GRIK2: variants seen among roughly 807,000 people sequenced by gnomAD.
GRIK2 encodes glutamate ionotropic receptor kainate type subunit 2.
A neutral mutation model predicts 100.3 loss-of-function variants in GRIK2; 32 were observed. The observed-to-expected ratio is 0.32, with a 90% CI of 0.24 to 0.43. The LOEUF is 0.43. Among genes scored for constraint, GRIK2 ranks in the 20% least tolerant of loss-of-function variants. The pLI is 1.00. For synonymous variants in GRIK2, 417 were observed against 389.4 expected, an observed-to-expected ratio of 1.07 and a Z score of -0.83; for missense variants, 843 against 1,114.9, an observed-to-expected ratio of 0.76 and a Z score of 3.47.
Position 102,069,123 on chromosome 6 carries a change from TTTTTC to T in GRIK2, c.*620_*624del, listed in dbSNP as rs144082045. 1.1e-3 allele frequency: 159 copies of T among 150,484 alleles called. No homozygotes were observed. The highest frequency in any genetic ancestry group is 3.5e-3 in the African/African-American group (146 of 41,328). 9.3% of individuals were successfully genotyped at this position (150,484 alleles called of 1,614,324 possible). ...GCAGATGTTCATCACTTATTTTCCT[TTTTTC>T]TTTTCTTATTTTTTTTTTTGACAGT... On this transcript the variant is annotated 3_prime_UTR_variant, in exon 17 of 17. Coordinates refer to ENST00000369134, the MANE Select transcript of GRIK2 (RefSeq NM_021956.5).
At position 102,016,324 on chromosome 6, in the gene GRIK2, C is replaced by A. The variant is rs557478176; in HGVS notation, c.2086-19017C>A. Among the ~76,000 whole-genome samples the A allele has an allele frequency of 1.1e-3, 160 of 151,988 alleles. 4 individuals carry two copies. The South Asian group carries it at 0.032, about 31-fold the overall frequency. On this transcript the variant is annotated intron_variant, in intron 14 of 16. Coordinates refer to ENST00000369134, the MANE Select transcript of GRIK2 (RefSeq NM_021956.5). Reference sequence around the variant, plus strand: ...TAACCAATCTGATAAAGCTGAAAAACACACTATAATAATTTTATATTGCAT... The same window carrying A: ...TAACCAATCTGATAAAGCTGAAAAAAACACTATAATAATTTTATATTGCAT...
intron 2 of GRIK2, among the ~76,000 whole-genome samples, chr6:101,442,741 A>G (rs1242903910): frequency 1.3e-5 from 2 of 152,172 alleles, no homozygotes; most frequent in African/African-American, 4.8e-5. Flanking sequence ...GCATGAAAGT[A>G]GCCGTAGCCA....
chr6:102,022,601 T>C (rs1769486644), intron 14 of GRIK2, among the ~76,000 whole-genome samples: 1 of 151,754 alleles, frequency 6.6e-6, no homozygotes, highest in African/African-American at 2.4e-5. Context: ...GAATGTTTCC[T>C]TCAGCTATTC....
chr6:101,694,009 G>A (rs1772298476), intron 7 of GRIK2, among the ~76,000 whole-genome samples: 1 of 152,108 alleles, frequency 6.6e-6, no homozygotes, highest in African/African-American at 2.4e-5. Context: ...CTCAAGGACA[G>A]TCAATGTCAA....
chr6:101,496,188 C>A (rs1773434971), intron 2 of GRIK2, among the ~76,000 whole-genome samples: 1 of 152,120 alleles, frequency 6.6e-6, no homozygotes, highest in African/African-American at 2.4e-5. Context: ...CTCAGGTAAT[C>A]CGCTTGTCTC....
At chr6:101,555,770 G>A (rs898599456) in intron 2 of GRIK2, among the ~76,000 whole-genome samples, 1 of 152,030 alleles carries the variant, frequency 6.6e-6, no homozygotes, top group South Asian at 2.1e-4. Context: ...CTTTTTGATT[G>A]CATTACTCAA....
At chr6:101,882,239 C>T (rs1217885691) in intron 11 of GRIK2, among the ~76,000 whole-genome samples, 1 of 152,036 alleles carries the variant, frequency 6.6e-6, no homozygotes. Context: ...CAAACCATAT[C>T]AACATTTATT....
chr6:101,818,245 C>T (rs1781753006), intron 9 of GRIK2, 125 bp from the exon 10 acceptor site: 2 of 604,794 alleles, frequency 3.3e-6, no homozygotes, highest in East Asian at 5.7e-5. Flanking sequence ...GCTGCCTTTA[C>T]TTTAACGGCA....
chr6:101,453,780 C>T (rs1770844686), intron 2 of GRIK2, among the ~76,000 whole-genome samples: 1 of 151,840 alleles, frequency 6.6e-6, no homozygotes, highest in African/African-American at 2.4e-5. Context: ...ATGTCTGTAC[C>T]GTGATTTTGT....
chr6:101,793,568 G>C (rs1243292538), intron 7 of GRIK2, among the ~76,000 whole-genome samples: 4 of 152,142 alleles, frequency 2.6e-5, no homozygotes, highest in Non-Finnish European at 5.9e-5. Flanking sequence ...TCCTCTGGAA[G>C]TTTTGTCTCA....
intron 14 of GRIK2, among the ~76,000 whole-genome samples, chr6:101,942,728 G>T (rs1487341081): frequency 6.6e-6 from 1 of 152,140 alleles, no homozygotes; most frequent in Non-Finnish European, 1.5e-5. Flanking sequence ...GATGTGGCCT[G>T]GCTTCTACTA....
At position 101,863,723 on chromosome 6, in the gene GRIK2, G is replaced by T. The variant is rs532750004; in HGVS notation, c.1524+4230G>T. 7.9e-5 allele frequency among the ~76,000 whole-genome samples: 12 copies of T among 152,190 alleles called. 1 individual carries two copies. The highest frequency in any genetic ancestry group is 1.8e-4 in the Non-Finnish European group (12 of 68,034). ...TCTTAACTGTGCAAATTTGGGCACC[G>T]TGTGTCTAACTTTTCTCTTTCTCTT... On this transcript the variant is annotated intron_variant, in intron 11 of 16. Coordinates refer to ENST00000369134, the MANE Select transcript of GRIK2 (RefSeq NM_021956.5).
chr6:101,678,972 A>C (rs974511007), intron 5 of GRIK2, among the ~76,000 whole-genome samples: 64 of 152,198 alleles, frequency 4.2e-4, no homozygotes, highest in African/African-American at 1.4e-3. Flanking sequence ...CTCTGAGGCA[A>C]GTTGAGTACA....
At chr6:101,589,815 T>G (rs536944) in intron 2 of GRIK2, among the ~76,000 whole-genome samples, 57,778 of 151,796 alleles carry the variant, frequency 0.38, 11,966 homozygotes, top group African/African-American at 0.56. Context: ...ATAGATTAAA[T>G]ATATCTGGAG....
At chr6:101,731,396 G>A (rs1029304593) in intron 7 of GRIK2, among the ~76,000 whole-genome samples, 1 of 151,876 alleles carries the variant, frequency 6.6e-6, no homozygotes, top group Non-Finnish European at 1.5e-5. Flanking sequence ...TTATAATTGG[G>A]AAAATAAGGT....
chr6:101,515,570 CAACATGT>C (rs1774545333), intron 2 of GRIK2, among the ~76,000 whole-genome samples: 1 of 152,092 alleles, frequency 6.6e-6, no homozygotes, highest in African/African-American at 2.4e-5. Context: ...ACATCCACGC[CAACATGT>C]ACTGTTTATT....
chr6:101,973,515 T>A (rs908213198), intron 14 of GRIK2, among the ~76,000 whole-genome samples: 1 of 151,776 alleles, frequency 6.6e-6, no homozygotes. Context: ...CAGGAGAAAG[T>A]TTTTTGCTGC....
At chr6:101,484,002 G>C (rs907257217) in intron 2 of GRIK2, among the ~76,000 whole-genome samples, 1 of 152,198 alleles carries the variant, frequency 6.6e-6, no homozygotes. Flanking sequence ...TTAGAGTGTT[G>C]TATAGACTTT....
chr6:101,857,508 T>C (rs1784489307), intron 10 of GRIK2, among the ~76,000 whole-genome samples: 1 of 152,174 alleles, frequency 6.6e-6, no homozygotes, highest in African/African-American at 2.4e-5. Context: ...ATGGCTGTCA[T>C]GTCTAAAACT....
Sources: gnomAD v4.1 joint callset for allele counts (sites outside exome capture counted in the v4.1 genomes callset) on GRCh38, gnomAD v4.1.1 for gene constraint, MANE v1.5 for transcripts, NCBI Gene and HGNC (gene_info 2026-07-23, HGNC 2026-07-21) for gene names.